Variants in ZNF804A observed in about 807,000 individuals in gnomAD.
ZNF804A encodes zinc finger protein 804A.
Under a neutral mutation model 16.5 loss-of-function variants are expected in ZNF804A, and 2 were observed. The observed-to-expected ratio is 0.12, with a 90% CI of 0.05 to 0.38. The LOEUF is 0.38. ZNF804A is among the 10% of genes least tolerant of loss of function. ZNF804A has a pLI of 0.99. For synonymous variants in ZNF804A, 534 were observed against 489.6 expected (o/e 1.09, Z -1.20); for missense variants, 1,473 against 1,390.7 (o/e 1.06, Z -0.94).
At chr2:184,662,681 C>T (rs1692193028) in intron 1 of ZNF804A, among the ~76,000 whole-genome samples, 1 of 152,108 alleles carries the variant, frequency 6.6e-6, no homozygotes. Flanking sequence ...TGTGAAAATG[C>T]ATAGTAAAAT....
At chr2:184,934,644 A>G (rs184446894) in intron 3 of ZNF804A, among the ~76,000 whole-genome samples, 12 of 152,238 alleles carry the variant, frequency 7.9e-5, no homozygotes, top group Admixed American at 6.5e-4. Context: ...AATTTTAACT[A>G]TAGAGAATCA....
chr2:184,872,619 A>G (rs950348867), intron 2 of ZNF804A, among the ~76,000 whole-genome samples: 2 of 152,186 alleles, frequency 1.3e-5, no homozygotes, highest in African/African-American at 4.8e-5. Context: ...CATTAAATGG[A>G]AGGACAAAAA....
chr2:184,659,606 T>A (rs1365006882), intron 1 of ZNF804A, among the ~76,000 whole-genome samples: 2 of 152,136 alleles, frequency 1.3e-5, no homozygotes, highest in Admixed American at 1.3e-4. Context: ...AAGTCTCATA[T>A]ATACATGAAT....
intron 1 of ZNF804A, among the ~76,000 whole-genome samples, chr2:184,641,728 A>G (rs1193974552): frequency 6.6e-6 from 1 of 152,174 alleles, no homozygotes; most frequent in Admixed American, 6.5e-5. Context: ...TTTCCAACAT[A>G]TGTCTAATCT....
intron 1 of ZNF804A, among the ~76,000 whole-genome samples, chr2:184,608,430 G>A (rs929109633): frequency 6.6e-5 from 10 of 152,260 alleles, no homozygotes; most frequent in Middle Eastern, 3.4e-3. Flanking sequence ...ACAAAGTGGG[G>A]GTAGGGCTGT....
chr2:184,656,282 G>A lies in ZNF804A; in HGVS notation c.111+57212G>A, dbSNP rs144051318. On this transcript the variant is annotated intron_variant, in intron 1 of 3. Transcript: ENST00000302277. ...AAGAGATAGTCTCTACAGTATGCAC[G>A]CAATATTGCTATTTCATTTGTAAAG... Among the ~76,000 whole-genome samples the A allele has an allele frequency of 4.6e-3, 704 of 152,126 alleles. 4 individuals are homozygous for A. Among genetic ancestry groups the A allele is most frequent in the Middle Eastern group, 0.01 (3 of 294 alleles).
intron 2 of ZNF804A, among the ~76,000 whole-genome samples, chr2:184,931,301 G>A (rs555274045): frequency 6.6e-6 from 1 of 152,320 alleles, no homozygotes; most frequent in African/African-American, 2.4e-5. Context: ...CTTCTGCACG[G>A]CCCTAGCAGA....
At chr2:184,919,445 C>A (rs960571133) in intron 2 of ZNF804A, among the ~76,000 whole-genome samples, 2 of 152,136 alleles carry the variant, frequency 1.3e-5, no homozygotes, top group South Asian at 2.1e-4. Flanking sequence ...GCCACCATGG[C>A]CTCTTTGTTC....
chr2:184,939,007 C>G lies in ZNF804A; in HGVS notation c.3611C>G (p.Pro1204Arg). 1 of 1,613,824 alleles carries G rather than the reference C, an allele frequency of 6.2e-7. No homozygotes were observed. The highest frequency in any genetic ancestry group is 8.5e-7 in the Non-Finnish European group (1 of 1,179,812). Residue 1204 changes from proline (P) to arginine (R), a missense_variant, in exon 4 of 4, where the codon CCT becomes CGT. Transcript: ENST00000302277. ...CTTTCCCCACACCCTACTGTCATCC[C>G]TTTGCAACCTCTCTTCTAGTCATCA... is the stretch of plus-strand genomic sequence containing the variant. ...SLLSPHPTVI[P>R]LQPLF
chr2:184,824,311 G>C (rs549481452), intron 1 of ZNF804A, among the ~76,000 whole-genome samples: 2 of 151,778 alleles, frequency 1.3e-5, no homozygotes, highest in African/African-American at 2.4e-5. Context: ...TTCACATCTC[G>C]TGTATGTCAA....
intron 1 of ZNF804A, among the ~76,000 whole-genome samples, chr2:184,748,644 G>A (rs1358079931): frequency 6.6e-6 from 1 of 151,146 alleles, no homozygotes; most frequent in Non-Finnish European, 1.5e-5. Flanking sequence ...GGCCCTATTT[G>A]TCAATTTCTG....
intron 1 of ZNF804A, among the ~76,000 whole-genome samples, chr2:184,794,942 G>A (rs1001903840): frequency 6.6e-6 from 1 of 152,050 alleles, no homozygotes; most frequent in Admixed American, 6.6e-5. Context: ...ATAGACCTAA[G>A]AAGTGAGATA....
intron 2 of ZNF804A, among the ~76,000 whole-genome samples, chr2:184,887,753 C>A (rs11896038): frequency 0.064 from 9,759 of 152,172 alleles, 1,058 homozygotes; most frequent in African/African-American, 0.22. Flanking sequence ...TCAATTACCT[C>A]CCCCTTGGTC....
chr2:184,602,105 A>C (rs1691059685), intron 1 of ZNF804A, among the ~76,000 whole-genome samples: 1 of 151,938 alleles, frequency 6.6e-6, no homozygotes, highest in South Asian at 2.1e-4. Flanking sequence ...TCCCTTCTAT[A>C]GGTCATATTA....
chr2:184,731,564 C>CT (rs34877709), intron 1 of ZNF804A, among the ~76,000 whole-genome samples: 3,876 of 84,598 alleles, frequency 0.046, 158 homozygotes, highest in East Asian at 0.064. Context: ...GTCTTTAACG[C>CT]TTTTTTTTTT....
chr2:184,736,266 G>T (rs559661120), intron 1 of ZNF804A, among the ~76,000 whole-genome samples: 1 of 152,110 alleles, frequency 6.6e-6, no homozygotes, highest in East Asian at 1.9e-4. Flanking sequence ...AGACAATTTT[G>T]TCTACTGCCC....
At position 184,880,670 on chromosome 2, in the gene ZNF804A, T is replaced by A. The variant is rs545819013; in HGVS notation, c.255+14158T>A. On this transcript the variant is annotated intron_variant, in intron 2 of 3. Transcript: ENST00000302277. The stretch of plus-strand genomic sequence containing the variant: ...TAACAGATTACATTGAGACTGAGTA[T>A]TTGTTTGGATAGAAATTTATTGGCT... Among the ~76,000 whole-genome samples the A allele has an allele frequency of 1.5e-3, 221 of 147,464 alleles. 1 individual carries two copies. Among genetic ancestry groups the A allele is most frequent in the Middle Eastern group, 3.6e-3 (1 of 278 alleles).
At chr2:184,770,185 G>A (rs780178070) in intron 1 of ZNF804A, among the ~76,000 whole-genome samples, 4 of 152,032 alleles carry the variant, frequency 2.6e-5, no homozygotes, top group African/African-American at 9.7e-5. Context: ...TAAAAAATAT[G>A]TGGTCCAAAT....
At chr2:184,783,976 C>T (rs1324018120) in intron 1 of ZNF804A, among the ~76,000 whole-genome samples, 1 of 151,962 alleles carries the variant, frequency 6.6e-6, no homozygotes, top group Non-Finnish European at 1.5e-5. Context: ...TTAAATGCTT[C>T]ATTATTGCCA....
Sources: gnomAD v4.1 joint callset for allele counts (sites outside exome capture counted in the v4.1 genomes callset) on GRCh38, gnomAD v4.1.1 for gene constraint, MANE v1.5 for transcripts, NCBI Gene and HGNC (gene_info 2026-07-23, HGNC 2026-07-21) for gene names.